PPM1L: variants seen among roughly 807,000 people sequenced by gnomAD.
The protein encoded by PPM1L is protein phosphatase, Mg2+/Mn2+ dependent 1L, also known as protein phosphatase 1L.
Under a neutral mutation model 31.4 loss-of-function variants are expected in PPM1L, and 13 were observed. That is an observed-to-expected ratio of 0.41 (90% CI 0.27 to 0.66). PPM1L has a LOEUF of 0.66. PPM1L is among the 30% of genes least tolerant of loss of function. The probability of loss-of-function intolerance (pLI) is 0.29; values close to 1 mark genes in which losing one functional copy is unlikely to be tolerated. For missense variants in PPM1L, 326 were observed against 453.7 expected (o/e 0.72, Z 2.56); for synonymous variants, 184 against 175.4 (o/e 1.05, Z -0.39).
intron 1 of PPM1L, among the ~76,000 whole-genome samples, chr3:160,857,716 G>A (rs1369053894): frequency 1.3e-5 from 2 of 152,144 alleles, no homozygotes; most frequent in African/African-American, 4.8e-5. Context: ...GGGAGAGGCA[G>A]GCATATAAAC....
chr3:160,789,229 TAC>T (rs1268219149), intron 1 of PPM1L, among the ~76,000 whole-genome samples: 5 of 152,076 alleles, frequency 3.3e-5, no homozygotes, highest in African/African-American at 1.2e-4. Context: ...TAATTTTAGT[TAC>T]AGTCTTAGAA....
Position 161,068,939 on chromosome 3 carries a change from C to T in PPM1L, c.865C>T (p.Leu289=), listed in dbSNP as rs370057211. 2 of 1,614,084 alleles carry T rather than the reference C, an allele frequency of 1.2e-6. No homozygotes were observed. Among genetic ancestry groups the T allele is most frequent in the African/African-American group, 2.7e-5 (2 of 74,930 alleles). ...AGACCCAGACATCCTGACCTTTGAC[C>T]TGGACAAGCTTCAGCCTGAGTTCAT... ...IPDPDILTFD[L]DKLQPEFMIL... The change falls in exon 4 of 4, where the codon CTG becomes TTG. Residue 289 remains leucine, a synonymous_variant. Transcript: ENST00000498165.
Position 161,073,054 on chromosome 3 carries a change from T to C in PPM1L, c.*3897T>C, listed in dbSNP as rs577299656. The C allele has an allele frequency of 1.2e-4, 19 of 152,336 alleles. No homozygotes were observed. In the East Asian group the frequency reaches 3.5e-3, roughly 28 times the overall value. 9.4% of individuals were successfully genotyped at this position (152,336 alleles called of 1,614,324 possible). A position where few individuals can be genotyped will look rare whatever the true frequency, so the allele number is the denominator to read the frequency against. On this transcript the variant is annotated 3_prime_UTR_variant, in exon 4 of 4. Coordinates refer to ENST00000498165, the MANE Select transcript of PPM1L (RefSeq NM_139245.4). ...GCTAGACTTTTGAGCTAGTTAGCTGTAGAAATAATAGAATCCAGTGTTTCC... is the reference window on the plus strand; with the variant it reads ...GCTAGACTTTTGAGCTAGTTAGCTGCAGAAATAATAGAATCCAGTGTTTCC...
intron 2 of PPM1L, among the ~76,000 whole-genome samples, chr3:161,032,328 C>T (rs904705156): frequency 5.3e-5 from 8 of 152,102 alleles, no homozygotes; most frequent in South Asian, 2.1e-4. Context: ...TCAAAGTGTA[C>T]GAAAAATGTA....
At position 161,062,178 on chromosome 3, in the gene PPM1L, A is replaced by G. The variant is rs1028307933; in HGVS notation, c.575-3225A>G. The stretch of plus-strand genomic sequence containing the variant: ...AAAGCCTTTCTCAGAAGCCCCCAGC[A>G]GACTTTTTTGAGTCCTCGTCCATGG... On this transcript the variant is annotated intron_variant, in intron 2 of 3. Transcript: ENST00000498165. Among the ~76,000 whole-genome samples the G allele has an allele frequency of 3.7e-4, 56 of 151,878 alleles. 2 individuals carry two copies. The highest frequency in any genetic ancestry group is 3.7e-3 in the Admixed American group (56 of 15,246).
At chr3:161,050,408 A>C (rs1719235370) in intron 2 of PPM1L, among the ~76,000 whole-genome samples, 1 of 152,236 alleles carries the variant, frequency 6.6e-6, no homozygotes, top group South Asian at 2.1e-4. Flanking sequence ...TAATTTCTAT[A>C]AATGAGTCAT....
intron 1 of PPM1L, among the ~76,000 whole-genome samples, chr3:160,795,523 A>T (rs926258399): frequency 6.6e-6 from 1 of 152,184 alleles, no homozygotes; most frequent in Non-Finnish European, 1.5e-5. Flanking sequence ...CTCAGACCCC[A>T]GTTGTGACTG....
chr3:160,982,855 T>C lies in PPM1L; in HGVS notation c.574+20945T>C, dbSNP rs1006365384. On this transcript the variant is annotated intron_variant, in intron 2 of 3. Coordinates refer to ENST00000498165, the MANE Select transcript of PPM1L (RefSeq NM_139245.4). ...AAGCCTCTCATTGTATCTCCATTAG[T>C]GGAAGAAGACTGTGATGGAACTGCA... Among the ~76,000 whole-genome samples, 4 of 152,230 alleles carry C rather than the reference T, an allele frequency of 2.6e-5. 1 individual carries two copies. The South Asian group carries it at 8.3e-4, about 31-fold the overall frequency.
rs182857056 is a variant in PPM1L, at chr3:160,797,982, G to A, written c.399+41275G>A. 2.3e-3 allele frequency among the ~76,000 whole-genome samples: 357 copies of A among 152,156 alleles called. 2 individuals carry two copies. Among genetic ancestry groups the A allele is most frequent in the Middle Eastern group, 0.01 (3 of 294 alleles). On this transcript the variant is annotated intron_variant, in intron 1 of 3. Coordinates refer to ENST00000498165, the MANE Select transcript of PPM1L (RefSeq NM_139245.4). ...ATCATGAGGTCAAGAGATGAAGACCGTCCTGGCCAACATGGTGAAACCCCG... is the reference window on the plus strand; with the variant it reads ...ATCATGAGGTCAAGAGATGAAGACCATCCTGGCCAACATGGTGAAACCCCG...
chr3:161,057,750 G>A (rs1183834841), intron 2 of PPM1L, among the ~76,000 whole-genome samples: 1 of 152,004 alleles, frequency 6.6e-6, no homozygotes, highest in Non-Finnish European at 1.5e-5. Flanking sequence ...CCCTGAGCAC[G>A]TGTTCTCCCA....
chr3:160,822,236 A>G (rs1434738724), intron 1 of PPM1L, among the ~76,000 whole-genome samples: 1 of 152,062 alleles, frequency 6.6e-6, no homozygotes, highest in African/African-American at 2.4e-5. Context: ...CAAATCACCA[A>G]ATGAAATATT....
At chr3:160,786,205 ATATTTTTTTTTTTT>A (rs1199983507) in intron 1 of PPM1L, among the ~76,000 whole-genome samples, 3 of 62,438 alleles carry the variant, frequency 4.8e-5, no homozygotes, top group Non-Finnish European at 7.8e-5. Flanking sequence ...ATATATATAT[ATATTTTTTTTTTTT>A]TTTTTTTTTT....
At position 160,869,718 on chromosome 3, in the gene PPM1L, A is replaced by ATGTGTG. The variant is rs10663764; in HGVS notation, c.400-91998_400-91993dup. On this transcript the variant is annotated intron_variant, in intron 1 of 3. Transcript: ENST00000498165. ...ATAGGTTCTGCCTTTGGTGCAATGT[A>ATGTGTG]TGTGTGTGTGTGTGTGTGTGTGTGT... Among the ~76,000 whole-genome samples the ATGTGTG allele has an allele frequency of 1.6e-3, 240 of 150,444 alleles. 1 individual carries two copies. The highest frequency in any genetic ancestry group is 4.0e-3 in the African/African-American group (162 of 40,998).
intron 1 of PPM1L, among the ~76,000 whole-genome samples, chr3:160,818,900 A>G (rs1043677933): frequency 6.6e-6 from 1 of 151,786 alleles, no homozygotes; most frequent in South Asian, 2.1e-4. Flanking sequence ...TTATTTATTT[A>G]TTTATTTTTT....
chr3:160,877,906 T>G (rs989252763), intron 1 of PPM1L, among the ~76,000 whole-genome samples: 1 of 152,312 alleles, frequency 6.6e-6, no homozygotes, highest in East Asian at 1.9e-4. Flanking sequence ...GGAGCCACCA[T>G]GTTGAACATG....
chr3:160,767,805 CTTAG>C (rs1278707984), intron 1 of PPM1L, among the ~76,000 whole-genome samples: 1 of 152,046 alleles, frequency 6.6e-6, no homozygotes, highest in African/African-American at 2.4e-5. Context: ...AATTTATTCT[CTTAG>C]TTATGAGATT....
chr3:160,800,318 GGGA>G (rs1358964420), intron 1 of PPM1L, among the ~76,000 whole-genome samples: 1 of 152,036 alleles, frequency 6.6e-6, no homozygotes, highest in Non-Finnish European at 1.5e-5. Flanking sequence ...GTGGTGGATT[GGGA>G]AAACAGGGAG....
chr3:160,906,125 T>G (rs1390705726), intron 1 of PPM1L, among the ~76,000 whole-genome samples: 3 of 152,160 alleles, frequency 2.0e-5, no homozygotes, highest in African/African-American at 7.2e-5. Flanking sequence ...AATTTTATAT[T>G]TTTCCCTCGG....
rs949644696 is a variant in PPM1L, at chr3:160,828,713, G to A, written c.399+72006G>A. On this transcript the variant is annotated intron_variant, in intron 1 of 3. Transcript: ENST00000498165. ...TGTTCTGCCCAGGCACAGCTCTTGCGTCTCCTGCATTATTTCCTTAGACTC... is the reference window on the plus strand; with the variant it reads ...TGTTCTGCCCAGGCACAGCTCTTGCATCTCCTGCATTATTTCCTTAGACTC... Among the ~76,000 whole-genome samples the A allele has an allele frequency of 5.3e-5, 8 of 151,922 alleles. No individual in the cohort carries two copies. The South Asian group carries it at 6.2e-4, about 12-fold the overall frequency.
Sources: allele counts gnomAD v4.1 joint callset (sites outside exome capture counted in the v4.1 genomes callset), GRCh38; gene constraint gnomAD v4.1.1; transcripts MANE v1.5; gene names NCBI Gene and HGNC (gene_info 2026-07-23, HGNC 2026-07-21).